KRT10: variants seen among roughly 807,000 people sequenced by gnomAD.
The protein encoded by KRT10 is keratin, type I cytoskeletal 10.
In KRT10, 40 loss-of-function variants were observed where a neutral mutation model predicts 59.2. That is an observed-to-expected ratio of 0.68 (90% CI 0.52 to 0.88). The LOEUF (loss-of-function observed/expected upper bound fraction) is 0.88. Among genes scored for constraint, KRT10 ranks in the 40% least tolerant of loss-of-function variants. KRT10 has a pLI of 0.00. For missense variants in KRT10, 719 were observed against 749.1 expected (o/e 0.96, Z 0.47); for synonymous variants, 336 against 310.7 (o/e 1.08, Z -0.86).
In KRT10 at chr17:40,819,507, T is replaced by A; in HGVS notation, c.1373+10A>T. The A allele has an allele frequency of 6.2e-7, 1 of 1,610,396 alleles. No homozygotes were observed. The highest frequency in any genetic ancestry group is 8.5e-7 in the Non-Finnish European group (1 of 1,176,560). Reference sequence around the variant, plus strand: ...AAGAAACTGGGATAACTTTTCATTTTAAAATTTACCTTCCCTCTCCTTCTA... The same window carrying A: ...AAGAAACTGGGATAACTTTTCATTTAAAAATTTACCTTCCCTCTCCTTCTA... On this transcript the variant is annotated intron_variant, in intron 6 of 7. Coordinates refer to ENST00000269576, the MANE Select transcript of KRT10 (RefSeq NM_000421.5).
Position 40,818,951 on chromosome 17 carries a change from G to A in KRT10, c.1584C>T (p.Gly528=). The A allele has an allele frequency of 7.1e-7, 1 of 1,401,588 alleles. No individual in the cohort carries two copies. Among genetic ancestry groups the A allele is most frequent in the South Asian group, 1.5e-5 (1 of 65,268 alleles). The allele number at this position is 1,401,588 out of a possible 1,614,324, so 86.8% of individuals were successfully genotyped here. A position where few individuals can be genotyped will look rare whatever the true frequency, so the allele number is the denominator to read the frequency against. ...CGCCGGAACTGCCACCACCGTAGCC[G>A]CCGCTGGAACTGCCGCCGTGGCCGC... ...SSGGHGGSSS[G]GYGGGSSGGG... is the part of the protein sequence containing the mutation. Residue 528 remains glycine (G), a synonymous_variant, in exon 7 of 8, where the codon GGC becomes GGT. Transcript: ENST00000269576.
Position 40,820,066 on chromosome 17 carries a change from G to T in KRT10, c.1138C>A (p.Gln380Lys), listed in dbSNP as rs1434790092. 2 of 1,612,900 alleles carry T rather than the reference G, an allele frequency of 1.2e-6. No homozygotes were observed. Among genetic ancestry groups the T allele is most frequent in the Non-Finnish European group, 1.7e-6 (2 of 1,179,936 alleles). The change falls in exon 5 of 8, where the codon CAG (glutamine) becomes AAG (lysine). Residue 380 changes from glutamine to lysine, a missense_variant. By Grantham distance (53) the Gln-to-Lys change is moderately conservative (BLOSUM62 1). This residue lies in a region of KRT10 where 221 missense variants were observed against 277.8 expected (regional missense o/e 0.80). Transcript: ENST00000269576. Reference sequence around the variant, plus strand: ...TAACATACCAAGGCCAGTTGGGACTGTAGTTCTATCTCCAGAGCTTGTACA... The same window carrying T: ...TAACATACCAAGGCCAGTTGGGACTTTAGTTCTATCTCCAGAGCTTGTACA... The part of the protein sequence containing the change: ...RNVQALEIEL[Q>K]SQLALKQSLE...
intron 1 of KRT10, among the ~76,000 whole-genome samples, chr17:40,821,401 A>G (rs1484694709): frequency 6.6e-6 from 1 of 152,128 alleles, no homozygotes; most frequent in African/African-American, 2.4e-5. Context: ...CCTCTTTTAG[A>G]CTATGTGATT....
chr17:40,820,441 A>C lies in KRT10; in HGVS notation c.868-18T>G, dbSNP rs1008746362. 4 of 1,614,094 alleles carry C rather than the reference A, an allele frequency of 2.5e-6. No individual in the cohort carries two copies. In the African/African-American group the frequency reaches 5.3e-5, roughly 22 times the overall value. ...TTCATTTCCTGTTTGAGGAACAGAA[A>C]GATTTATTGGCTACACGAGGACCAT... On this transcript the variant is annotated intron_variant, in intron 3 of 7. Coordinates refer to ENST00000269576, the MANE Select transcript of KRT10 (RefSeq NM_000421.5).
In KRT10 at chr17:40,820,415, T is replaced by G; in HGVS notation, c.876A>C (p.Lys292Asn). The G allele has an allele frequency of 6.2e-7, 1 of 1,614,244 alleles. No individual in the cohort carries two copies. Reference protein sequence around the residue: ...YLKKNHEEEMKDLRNVSTGDV... With the variant: ...YLKKNHEEEMNDLRNVSTGDV... ...CACCAGTGGACACATTTCGAAGGTC[T>G]TTCATTTCCTGTTTGAGGAACAGAA... is the stretch of plus-strand genomic sequence containing the variant. Residue 292 changes from lysine (K) to asparagine (N), a missense_variant, in exon 4 of 8, where the codon AAA becomes AAC. By Grantham distance (94) the Lys-to-Asn change is moderately conservative (BLOSUM62 0). Around this residue, in one of 4 missense-constraint regions of KRT10, gnomAD observed 221 missense variants for 277.8 expected, o/e 0.80. Transcript: ENST00000269576.
In KRT10 at chr17:40,818,339, G is replaced by T; in HGVS notation, c.*137C>A. 8.7e-7 allele frequency: 1 copy of T among 1,155,644 alleles called. No homozygotes were observed. Among genetic ancestry groups the T allele is most frequent in the Non-Finnish European group, 1.3e-6 (1 of 787,532 alleles). The allele number at this position is 1,155,644 out of a possible 1,614,324, so 71.6% of individuals were successfully genotyped here. A position where few individuals can be genotyped will look rare whatever the true frequency, so the allele number is the denominator to read the frequency against. On this transcript the variant is annotated 3_prime_UTR_variant, in exon 8 of 8. Transcript: ENST00000269576. ...GTTTTCCATGCATCTGTAAATAATG[G>T]TCTGTGTGAAGGGAGACTCTTTCCT...
Position 40,819,104 on chromosome 17 carries a change from GCTTCCGCCGCCGTAGCCGCCGCCGAAA to G in KRT10, c.1404_1430del (p.Phe469_Ser477del), listed in dbSNP as rs778920293. On this transcript the variant is annotated inframe_deletion, in exon 7 of 8. Transcript: ENST00000269576. Reference sequence around the variant, plus strand: ...CGCCGCCGGAGCTTCCGCCGCCGGAGCTTCCGCCGCCGTAGCCGCCGCCGAAACTTCCGCCGCCGCGTCCGCCGCCTC... The same window carrying G: ...CGCCGCCGGAGCTTCCGCCGCCGGAGCTTCCGCCGCCGCGTCCGCCGCCTC... 23 of 1,480,850 alleles carry G rather than the reference GCTTCCGCCGCCGTAGCCGCCGCCGAAA, an allele frequency of 1.6e-5. No homozygotes were observed. Among genetic ancestry groups the G allele is most frequent in the East Asian group, 5.8e-5 (2 of 34,524 alleles). 91.7% of individuals were successfully genotyped at this position (1,480,850 alleles called of 1,614,324 possible).
In KRT10 at chr17:40,822,359, C is replaced by T; in HGVS notation, c.227G>A (p.Gly76Glu). 2 of 1,604,614 alleles carry T rather than the reference C, an allele frequency of 1.2e-6. No individual in the cohort carries two copies. The highest frequency in any genetic ancestry group is 2.2e-5 in the South Asian group (2 of 89,980). ...GCTACCTCCACCAAAACCTCCTAATCCTCCATAGCCACCTGATGAGCCCCC... is the reference window on the plus strand; with the variant it reads ...GCTACCTCCACCAAAACCTCCTAATTCTCCATAGCCACCTGATGAGCCCCC... ...CFGGSSGGYG[G>E]LGGFGGGSFR... The change falls in exon 1 of 8, where the codon GGA (glycine) becomes GAA (glutamate). Residue 76 changes from glycine to glutamate, a missense_variant. Physicochemically the swap from Gly to Glu is moderately conservative, Grantham distance 98 (BLOSUM62 -2). Coordinates refer to ENST00000269576, the MANE Select transcript of KRT10 (RefSeq NM_000421.5).
chr17:40,822,395 C>T lies in KRT10; in HGVS notation c.191G>A (p.Gly64Glu), dbSNP rs1235697336. The part of the protein sequence containing the change: ...GGSFSRGSSG[G>E]GCFGGSSGGY... ...ACCTGATGAGCCCCCAAAGCAGCCC[C>T]CACCAGAGCTCCCACGGCTAAAAGA... The change falls in exon 1 of 8, where the codon GGG (glycine) becomes GAG (glutamate). Residue 64 changes from glycine (G) to glutamate (E), a missense_variant. Gly to Glu is a moderately conservative substitution (Grantham distance 98). Coordinates refer to ENST00000269576, the MANE Select transcript of KRT10 (RefSeq NM_000421.5). The T allele has an allele frequency of 6.2e-7, 1 of 1,612,640 alleles. No homozygotes were observed. Among genetic ancestry groups the T allele is most frequent in the Non-Finnish European group, 8.5e-7 (1 of 1,179,018 alleles).
In KRT10 at chr17:40,822,205, A is replaced by G; in HGVS notation, c.381T>C (p.Phe127=). The G allele has an allele frequency of 6.2e-7, 1 of 1,613,238 alleles. No individual in the cohort carries two copies. Among genetic ancestry groups the G allele is most frequent in the Non-Finnish European group, 8.5e-7 (1 of 1,179,446 alleles). The change falls in exon 1 of 8, where the codon TTT becomes TTC. Residue 127 remains phenylalanine, a synonymous_variant. Transcript: ENST00000269576. ...CAAATCCACCACCAAAGCCTCCTCC[A>G]AAGCCGCCTCCACCAAAGCCGCCTC... The part of the protein sequence containing the change: ...FGGGGFGGGG[F]GGGFGGGFGG...
chr17:40,819,086 G>A lies in KRT10; in HGVS notation c.1449C>T (p.Ser483=), dbSNP rs1349433878. ...YGGGSSGGGS[S]GGGHGGGHGG... is the part of the protein sequence containing the mutation. ...CGTGGCCGCCGCCGTGGCCGCCGCC[G>A]GAGCTTCCGCCGCCGGAGCTTCCGC... The change falls in exon 7 of 8, where the codon TCC becomes TCT. Residue 483 remains serine (S), a synonymous_variant. Coordinates refer to ENST00000269576, the MANE Select transcript of KRT10 (RefSeq NM_000421.5). The A allele has an allele frequency of 2.8e-6, 4 of 1,431,196 alleles. No individual in the cohort carries two copies. The highest frequency in any genetic ancestry group is 3.7e-6 in the Non-Finnish European group (4 of 1,088,646). The allele number at this position is 1,431,196 out of a possible 1,614,324, so 88.7% of individuals were successfully genotyped here. A position where few individuals can be genotyped will look rare whatever the true frequency, so the allele number is the denominator to read the frequency against.
chr17:40,820,289 T>C lies in KRT10; in HGVS notation c.1002A>G (p.Lys334=). 5.0e-6 allele frequency: 8 copies of C among 1,614,222 alleles called. No individual in the cohort carries two copies. Among genetic ancestry groups the C allele is most frequent in the Non-Finnish European group, 6.8e-6 (8 of 1,180,044 alleles). ...QYEQLAEQNR[K]DAEAWFNEKS... Reference sequence around the variant, plus strand: ...TTTCATTGAACCAGGCTTCAGCATCTTTGCGGTTTTGTTCAGCAAGTTGTT... The same window carrying C: ...TTTCATTGAACCAGGCTTCAGCATCCTTGCGGTTTTGTTCAGCAAGTTGTT... The change falls in exon 4 of 8, where the codon AAA becomes AAG. Residue 334 remains lysine, a synonymous_variant. Transcript: ENST00000269576.
chr17:40,819,672 C>T lies in KRT10; in HGVS notation c.1218G>A (p.Gln406=). The change falls in exon 6 of 8, where the codon CAG becomes CAA. Residue 406 remains glutamine (Q), a synonymous_variant. Transcript: ENST00000269576. ...TEGRYCVQLS[Q]IQAQISALEE... is the part of the protein sequence containing the mutation. ...CCAGAGCGGATATCTGGGCCTGAAT[C>T]TGTGAGAGCTGCACACAGTAGCGAC... The T allele has an allele frequency of 1.2e-6, 2 of 1,614,216 alleles. No homozygotes were observed. Among genetic ancestry groups the T allele is most frequent in the Non-Finnish European group, 1.7e-6 (2 of 1,180,050 alleles).
chr17:40,818,487 GTGAA>G lies in KRT10; in HGVS notation c.1749-9_1749-6del, dbSNP rs1567704912. The G allele has an allele frequency of 6.3e-7, 1 of 1,586,998 alleles. No individual in the cohort carries two copies. Among genetic ancestry groups the G allele is most frequent in the Admixed American group, 1.7e-5 (1 of 59,982 alleles). On this transcript the variant is annotated splice_region_variant and splice_polypyrimidine_tract_variant and intron_variant, in intron 7 of 7. Coordinates refer to ENST00000269576, the MANE Select transcript of KRT10 (RefSeq NM_000421.5). ...TTACTCTGGTTTTGTTAGTATCTGT[GTGAA>G]TGATGGAAAAAAAATTTTAAACAGT...
chr17:40,819,449 T>C (rs541836329), intron 6 of KRT10, 68 bp downstream of exon 6: 1 of 1,458,882 alleles, frequency 6.9e-7, no homozygotes, highest in East Asian at 2.3e-5. Flanking sequence ...TCTTGGGGTT[T>C]AGATAAGCCT....
Position 40,818,339 on chromosome 17 carries a change from G to C in KRT10, c.*137C>G. 1.7e-6 allele frequency: 2 copies of C among 1,155,648 alleles called. No individual in the cohort carries two copies. Among genetic ancestry groups the C allele is most frequent in the Non-Finnish European group, 1.3e-6 (1 of 787,536 alleles). 71.6% of individuals were successfully genotyped at this position (1,155,648 alleles called of 1,614,324 possible). A position where few individuals can be genotyped will look rare whatever the true frequency, so the allele number is the denominator to read the frequency against. Reference sequence around the variant, plus strand: ...GTTTTCCATGCATCTGTAAATAATGGTCTGTGTGAAGGGAGACTCTTTCCT... The same window carrying C: ...GTTTTCCATGCATCTGTAAATAATGCTCTGTGTGAAGGGAGACTCTTTCCT... On this transcript the variant is annotated 3_prime_UTR_variant, in exon 8 of 8. Coordinates refer to ENST00000269576, the MANE Select transcript of KRT10 (RefSeq NM_000421.5).
At chr17:40,820,941 A>C (rs1257561461) in intron 2 of KRT10, 94 bp downstream of exon 2, 25 of 1,085,262 alleles carry the variant, frequency 2.3e-5, no homozygotes, top group Admixed American at 1.3e-4. Flanking sequence ...TGAATTCAGA[A>C]AAATGTAAAT....
chr17:40,818,885 G>GCCGCCGCAGTAT lies in KRT10; in HGVS notation c.1649_1650insATACTGCGGCGG (p.Gly550_Ser551insTyrCysGlyGly). 6.6e-7 allele frequency: 1 copy of GCCGCCGCAGTAT among 1,509,200 alleles called. No individual in the cohort carries two copies. Among genetic ancestry groups the GCCGCCGCAGTAT allele is most frequent in the Non-Finnish European group, 8.8e-7 (1 of 1,133,980 alleles). 93.5% of individuals were successfully genotyped at this position (1,509,200 alleles called of 1,614,324 possible). The stretch of plus-strand genomic sequence containing the variant: ...CGCCGTATCCGCCGCCGGAGCTGCT[G>GCCGCCGCAGTAT]CCGCCGCCGGAGCTGCCGCCCCCGT... On this transcript the variant is annotated inframe_insertion, in exon 7 of 8. Coordinates refer to ENST00000269576, the MANE Select transcript of KRT10 (RefSeq NM_000421.5).
chr17:40,819,831 A>G, intron 5 of KRT10, 97 bp from the exon 6 acceptor site: 1 of 1,215,228 alleles, frequency 8.2e-7, no homozygotes, highest in East Asian at 2.4e-5. Context: ...TAGAAGAATA[A>G]GAAAATGAAC....
Sources: allele counts gnomAD v4.1 joint callset (sites outside exome capture counted in the v4.1 genomes callset), GRCh38; gene constraint gnomAD v4.1.1; regional missense constraint gnomAD v4.1.1; transcripts MANE v1.5; gene names NCBI Gene and HGNC (gene_info 2026-07-23, HGNC 2026-07-21).